Variants in DST observed in about 807,000 individuals in gnomAD.
DST encodes the protein dystonin, also known as bullous pemphigoid antigen.
Under a neutral mutation model 875.2 loss-of-function variants are expected in DST, and 253 were observed. That is an observed-to-expected ratio of 0.29 (90% CI 0.26 to 0.32). DST has a LOEUF of 0.32. Among genes scored for constraint, DST ranks in the 10% least tolerant of loss-of-function variants. The probability of loss-of-function intolerance (pLI) is 1.00; values close to 1 mark genes in which losing one functional copy is unlikely to be tolerated. For synonymous variants in DST, 3,124 were observed against 3,197.1 expected (o/e 0.98, Z 0.77); for missense variants, 8,287 against 9,111.6 (o/e 0.91, Z 3.68).
intron 61 of DST, among the ~76,000 whole-genome samples, chr6:56,546,240 C>T (rs2097217330): frequency 6.7e-6 from 1 of 149,866 alleles, no homozygotes; most frequent in South Asian, 2.1e-4. Context: ...AAGACTATGC[C>T]TTTCCCACAT....
Position 56,651,040 on chromosome 6 carries a change from C to A in DST, c.1328-8G>T, listed in dbSNP as rs746409653. On this transcript the variant is annotated splice_region_variant and splice_polypyrimidine_tract_variant and intron_variant, in intron 11 of 103. Coordinates refer to ENST00000680361, the MANE Select transcript of DST (RefSeq NM_001374736.1). ...GTGAGGAGACATCGACATCTAAAAA[C>A]AGCAACATAAATTAATTATTTCACA... is the stretch of plus-strand genomic sequence containing the variant. The A allele has an allele frequency of 1.3e-6, 2 of 1,598,654 alleles. No individual in the cohort carries two copies. Among genetic ancestry groups the A allele is most frequent in the South Asian group, 1.1e-5 (1 of 90,442 alleles).
intron 4 of DST, among the ~76,000 whole-genome samples, chr6:56,814,346 G>C (rs1043783245): frequency 5.3e-5 from 8 of 152,076 alleles, no homozygotes. Context: ...TAAATAAAAA[G>C]CAAAAACACT....
At chr6:56,509,100 A>G (rs903252955) in intron 74 of DST, among the ~76,000 whole-genome samples, 65 of 152,270 alleles carry the variant, frequency 4.3e-4, no homozygotes, top group African/African-American at 1.5e-3. Context: ...CCCCAAATCA[A>G]GAGTAAAATT....
At chr6:56,665,406 C>A (rs898109826) in intron 10 of DST, among the ~76,000 whole-genome samples, 2 of 151,962 alleles carry the variant, frequency 1.3e-5, no homozygotes, top group African/African-American at 4.8e-5. Context: ...TTCTTAAGTT[C>A]ATCGATAATT....
chr6:56,526,337 A>G (rs2096796536), intron 69 of DST, 24 bp downstream of exon 69: 5 of 1,611,444 alleles, frequency 3.1e-6, no homozygotes, highest in Non-Finnish European at 4.2e-6. Flanking sequence ...TTTATTGCCT[A>G]AACAACAAAC....
At chr6:56,534,980 G>A (rs1055896771) in intron 63 of DST, 142 bp downstream of exon 63, 9 of 912,700 alleles carry the variant, frequency 9.9e-6, no homozygotes, top group South Asian at 1.8e-5. Context: ...AATATTTGTC[G>A]AATGACTAAC....
chr6:56,828,131 C>G (rs2099782993), intron 4 of DST, among the ~76,000 whole-genome samples: 1 of 152,184 alleles, frequency 6.6e-6, no homozygotes, highest in Non-Finnish European at 1.5e-5. Flanking sequence ...TCTCAAAATG[C>G]AGGCCATGGG....
chr6:56,652,150 T>C (rs1180962989), intron 10 of DST, among the ~76,000 whole-genome samples: 2 of 152,204 alleles, frequency 1.3e-5, no homozygotes, highest in African/African-American at 2.4e-5. Flanking sequence ...CATATCTTTA[T>C]AATTTGTGAG....
At chr6:56,693,352 G>A (rs946057461) in intron 9 of DST, 15 of 1,158,614 alleles carry the variant, frequency 1.3e-5, no homozygotes, top group Admixed American at 4.2e-5. Flanking sequence ...CAGCCGGTCC[G>A]TGTCTCATTA....
At chr6:56,776,391 C>T (rs187196880) in intron 4 of DST, among the ~76,000 whole-genome samples, 5 of 152,250 alleles carry the variant, frequency 3.3e-5, no homozygotes, top group African/African-American at 9.6e-5. Flanking sequence ...TAGGGAAGAA[C>T]TAATGATACT....
chr6:56,637,149 TTATC>T (rs1394231955), intron 22 of DST, among the ~76,000 whole-genome samples: 1 of 152,056 alleles, frequency 6.6e-6, no homozygotes, highest in African/African-American at 2.4e-5. Flanking sequence ...AATTTTCCTC[TTATC>T]TAAGACTTCT....
chr6:56,806,946 T>C lies in DST; in HGVS notation c.625+44451A>G, dbSNP rs564135136. On this transcript the variant is annotated intron_variant, in intron 4 of 103. Coordinates refer to ENST00000680361, the MANE Select transcript of DST (RefSeq NM_001374736.1). Reference sequence around the variant, plus strand: ...GATATGAGTCTATATAATATACCTATAGCTCTATATACCTATAAAGATGGC... The same window carrying C: ...GATATGAGTCTATATAATATACCTACAGCTCTATATACCTATAAAGATGGC... Among the ~76,000 whole-genome samples, 12 of 152,288 alleles carry C rather than the reference T, an allele frequency of 7.9e-5. No homozygotes were observed. In the East Asian group the frequency reaches 2.1e-3, roughly 27 times the overall value.
intron 9 of DST, among the ~76,000 whole-genome samples, chr6:56,673,490 G>A (rs1422975926): frequency 6.6e-6 from 1 of 152,140 alleles, no homozygotes; most frequent in African/African-American, 2.4e-5. Context: ...CTGTTAACTA[G>A]GGAAGTCAGT....
chr6:56,727,959 G>A (rs746283304), intron 5 of DST, among the ~76,000 whole-genome samples: 1 of 152,138 alleles, frequency 6.6e-6, no homozygotes, highest in Non-Finnish European at 1.5e-5. Flanking sequence ...TTTTCTCACT[G>A]ATAAAATAAG....
chr6:56,482,582 G>T (rs2095437206), intron 89 of DST, 101 bp downstream of exon 89: 2 of 1,202,598 alleles, frequency 1.7e-6, no homozygotes, highest in Non-Finnish European at 2.3e-6. Flanking sequence ...AGACTGTCCT[G>T]ATTGAGACAC....
At chr6:56,692,428 G>A (rs1361212266) in intron 9 of DST, 3 of 1,289,146 alleles carry the variant, frequency 2.3e-6, no homozygotes. Flanking sequence ...GGACATACTA[G>A]TATAAAGGGA....
intron 5 of DST, among the ~76,000 whole-genome samples, chr6:56,710,868 A>G (rs1178482014): frequency 1.3e-5 from 2 of 152,222 alleles, no homozygotes; most frequent in Admixed American, 1.3e-4. Flanking sequence ...GGCATGATAA[A>G]AAGGCGGTTA....
intron 4 of DST, among the ~76,000 whole-genome samples, chr6:56,803,507 C>T (rs2099749714): frequency 1.3e-5 from 2 of 152,174 alleles, no homozygotes. Flanking sequence ...TTTAACCTAA[C>T]TACCACCATT....
intron 5 of DST, among the ~76,000 whole-genome samples, chr6:56,731,510 T>C (rs554516809): frequency 6.6e-6 from 1 of 152,354 alleles, no homozygotes; most frequent in East Asian, 1.9e-4. Context: ...GTTATTATGC[T>C]AGGTTCCTTG....
Sources: allele counts gnomAD v4.1 joint callset (sites outside exome capture counted in the v4.1 genomes callset), GRCh38; gene constraint gnomAD v4.1.1; transcripts MANE v1.5; gene names NCBI Gene and HGNC (gene_info 2026-07-23, HGNC 2026-07-21).